ANKRD31: variants seen among roughly 807,000 people sequenced by gnomAD.
ANKRD31 encodes the protein ankyrin repeat domain-containing protein 31.
ANKRD31 carries 147 observed loss-of-function variants against 186.0 expected under a neutral mutation model. The observed-to-expected ratio is 0.79, with a 90% CI of 0.69 to 0.91. The LOEUF is 0.91. ANKRD31 is among the 40% of genes least tolerant of loss of function. The pLI is 0.00. For synonymous variants in ANKRD31, 673 were observed against 736.4 expected (o/e 0.91, Z 1.39); for missense variants, 1,986 against 2,148.8 (o/e 0.92, Z 1.50).
chr5:75,201,417 A>G (rs1386211495), intron 5 of ANKRD31, among the ~76,000 whole-genome samples: 1 of 152,212 alleles, frequency 6.6e-6, no homozygotes, highest in African/African-American at 2.4e-5. Context: ...TTTAATACCA[A>G]TGAAAGAAAC....
chr5:75,069,275 A>AT (rs34733519), intron 25 of ANKRD31, among the ~76,000 whole-genome samples: 11,745 of 150,510 alleles, frequency 0.078, 599 homozygotes, highest in Non-Finnish European at 0.12. Context: ...AGTCTGAGAG[A>AT]TTTTTTTTTT....
intron 2 of ANKRD31, among the ~76,000 whole-genome samples, chr5:75,226,554 G>A (rs562214706): frequency 2.0e-5 from 3 of 152,122 alleles, no homozygotes; most frequent in African/African-American, 2.4e-5. Flanking sequence ...TAAGGAGCTC[G>A]AACAACTTTA....
In ANKRD31 at chr5:75,168,973, C is replaced by G; in HGVS notation, c.1707+6G>C. The G allele has an allele frequency of 6.5e-7, 1 of 1,531,616 alleles. No individual in the cohort carries two copies. The highest frequency in any genetic ancestry group is 8.7e-7 in the Non-Finnish European group (1 of 1,143,088). 94.9% of individuals were successfully genotyped at this position (1,531,616 alleles called of 1,614,324 possible). ...ATTTGTTCTGCAAATAAAAGCATCACAGTACCTTATAATGTCCATTCATCA... is the reference window on the plus strand; with the variant it reads ...ATTTGTTCTGCAAATAAAAGCATCAGAGTACCTTATAATGTCCATTCATCA... On this transcript the variant is annotated splice_donor_region_variant and intron_variant, in intron 11 of 25. Transcript: ENST00000506364.
chr5:75,080,665 A>G, intron 24 of ANKRD31, 26 bp from the exon 25 acceptor site: 1 of 1,508,322 alleles, frequency 6.6e-7, no homozygotes, highest in Non-Finnish European at 8.9e-7. Flanking sequence ...AACGTTAGTA[A>G]TAATTTTGCT....
chr5:75,164,702 T>C (rs892036545), intron 11 of ANKRD31, among the ~76,000 whole-genome samples: 3 of 152,224 alleles, frequency 2.0e-5, no homozygotes, highest in Non-Finnish European at 4.4e-5. Flanking sequence ...TCATGCTCCT[T>C]GATCCTGAAT....
In ANKRD31 at chr5:75,148,631, G is replaced by A; in HGVS notation, c.1853-3C>T. ...TGGGTCAATGCTACTCCTTTGAGCT[G>A]TAAACAAAAAGAGAAAATCAATGAA... On this transcript the variant is annotated splice_region_variant and splice_polypyrimidine_tract_variant and intron_variant, in intron 12 of 25. Coordinates refer to ENST00000506364, the MANE Select transcript of ANKRD31 (RefSeq NM_001372053.1). 6.6e-7 allele frequency: 1 copy of A among 1,517,272 alleles called. No individual in the cohort carries two copies. Among genetic ancestry groups the A allele is most frequent in the Non-Finnish European group, 8.8e-7 (1 of 1,136,530 alleles). The allele number at this position is 1,517,272 out of a possible 1,614,324, so 94.0% of individuals were successfully genotyped here.
Position 75,138,000 on chromosome 5 carries a change from TAAAA to T in ANKRD31, c.3734-6_3734-3del, listed in dbSNP as rs781047508. ...ATGCCTCATGAAGTGGTGTCCAACC[TAAAA>T]AAAGAAAAAGAAAAAAAAAAACCCT... On this transcript the variant is annotated splice_region_variant and splice_polypyrimidine_tract_variant and intron_variant, in intron 16 of 25. Transcript: ENST00000506364. 7.2e-7 allele frequency: 1 copy of T among 1,392,364 alleles called. No homozygotes were observed. The highest frequency in any genetic ancestry group is 9.2e-7 in the Non-Finnish European group (1 of 1,091,246). 86.3% of individuals were successfully genotyped at this position (1,392,364 alleles called of 1,614,324 possible).
At chr5:75,140,282 AAAGAAAGGAAGGAAGG>A (rs1561468946) in intron 15 of ANKRD31, among the ~76,000 whole-genome samples, 3 of 27,424 alleles carry the variant, frequency 1.1e-4, no homozygotes, top group South Asian at 1.5e-3. Flanking sequence ...AGAGAGAGAG[AAAGAAAGGAAGGAAGG>A]AAGGAAGGAA....
intron 11 of ANKRD31, among the ~76,000 whole-genome samples, chr5:75,155,230 G>A (rs1057227303): frequency 2.0e-5 from 3 of 151,890 alleles, no homozygotes; most frequent in Admixed American, 2.0e-4. Context: ...TAATTTATTT[G>A]GAATTTTTCC....
intron 18 of ANKRD31, 26 bp from the exon 19 acceptor site, chr5:75,116,707 T>A (rs1329587828): frequency 7.6e-7 from 1 of 1,308,628 alleles, no homozygotes; most frequent in East Asian, 2.6e-5. Flanking sequence ...TTAGAAAATA[T>A]AATAAGAATG....
At chr5:75,158,473 A>G (rs989348138) in intron 11 of ANKRD31, among the ~76,000 whole-genome samples, 1 of 152,154 alleles carries the variant, frequency 6.6e-6, no homozygotes, top group African/African-American at 2.4e-5. Context: ...TTGCTATAAT[A>G]CATTATCTTA....
intron 24 of ANKRD31, among the ~76,000 whole-genome samples, chr5:75,082,440 A>G (rs1476961746): frequency 2.0e-5 from 3 of 151,988 alleles, no homozygotes; most frequent in African/African-American, 7.3e-5. Flanking sequence ...GGACACTAGG[A>G]AAAAAAAGAG....
intron 25 of ANKRD31, 68 bp downstream of exon 25, chr5:75,080,500 T>G: frequency 9.2e-7 from 1 of 1,087,032 alleles, no homozygotes; most frequent in Non-Finnish European, 1.3e-6. Flanking sequence ...TTTGATCTAT[T>G]TGCACAATAT....
chr5:75,166,599 A>C lies in ANKRD31; in HGVS notation c.1707+2380T>G, dbSNP rs73131034. 4.2e-3 allele frequency among the ~76,000 whole-genome samples: 642 copies of C among 152,300 alleles called. 3 individuals are homozygous for C. The highest frequency in any genetic ancestry group is 0.015 in the African/African-American group (623 of 41,576). On this transcript the variant is annotated intron_variant, in intron 11 of 25. Transcript: ENST00000506364. ...CAAATCAATGCCAACAAACCCCTTC[A>C]TTTCAACATCCCATACACTCACAGA...
intron 17 of ANKRD31, among the ~76,000 whole-genome samples, chr5:75,121,692 A>G (rs575587980): frequency 4.6e-5 from 7 of 152,308 alleles, no homozygotes; most frequent in Admixed American, 3.3e-4. Flanking sequence ...AAATTAAACA[A>G]CACACTCCTA....
chr5:75,145,506 A>G (rs1168230427), intron 14 of ANKRD31, among the ~76,000 whole-genome samples: 2 of 152,070 alleles, frequency 1.3e-5, no homozygotes, highest in Non-Finnish European at 2.9e-5. Context: ...CAGACACCAC[A>G]TGTTCTCACT....
chr5:75,103,377 A>G (rs866460449), intron 22 of ANKRD31, among the ~76,000 whole-genome samples: 4 of 152,192 alleles, frequency 2.6e-5, no homozygotes, highest in Non-Finnish European at 5.9e-5. Context: ...GCAGATAAAT[A>G]GGAATGCTTT....
In ANKRD31 at chr5:75,147,203, T is replaced by C; in HGVS notation, c.2208A>G (p.Lys736=). 6.5e-7 allele frequency: 1 copy of C among 1,536,184 alleles called. No individual in the cohort carries two copies. The highest frequency in any genetic ancestry group is 2.4e-5 in the East Asian group (1 of 40,878). Residue 736 remains lysine (K), a synonymous_variant, in exon 14 of 26, where the codon AAA becomes AAG. Transcript: ENST00000506364. ...KGIGRRKTQH[K]RTQVDDVDCN... is the part of the protein sequence containing the mutation. The stretch of plus-strand genomic sequence containing the variant: ...AGTCTACATCATCTACTTGGGTCCT[T>C]TTATGTTGTGTTTTTCTTCTTCCTA...
intron 20 of ANKRD31, among the ~76,000 whole-genome samples, chr5:75,109,019 A>T (rs1264894137): frequency 6.6e-6 from 1 of 152,200 alleles, no homozygotes; most frequent in Non-Finnish European, 1.5e-5. Context: ...CAAAGATGAT[A>T]TTAATCAATG....
Sources: gnomAD v4.1 joint callset for allele counts (sites outside exome capture counted in the v4.1 genomes callset) on GRCh38, gnomAD v4.1.1 for gene constraint, MANE v1.5 for transcripts, NCBI Gene and HGNC (gene_info 2026-07-23, HGNC 2026-07-21) for gene names.